TRABD2B: variants seen among roughly 807,000 people sequenced by gnomAD.
TRABD2B encodes the protein metalloprotease TIKI2.
In TRABD2B, 14 loss-of-function variants were observed where a neutral mutation model predicts 40.1. The observed-to-expected ratio is 0.35, with a 90% confidence interval of 0.23 to 0.55. TRABD2B has a LOEUF of 0.55. TRABD2B is among the 20% of genes least tolerant of loss of function. The pLI, the probability that TRABD2B is intolerant of heterozygous loss-of-function variation, is 0.90. For synonymous variants in TRABD2B, 263 were observed against 277.0 expected (o/e 0.95, Z 0.50); for missense variants, 541 against 648.6 (o/e 0.83, Z 1.80).
At chr1:47,847,801 G>A (rs938492335) in intron 2 of TRABD2B, among the ~76,000 whole-genome samples, 17 of 152,150 alleles carry the variant, frequency 1.1e-4, no homozygotes, top group African/African-American at 3.6e-4. Flanking sequence ...CTTATAAATC[G>A]GCCGAGCTGT....
intron 2 of TRABD2B, among the ~76,000 whole-genome samples, chr1:47,988,604 CA>C (rs1276058780): frequency 6.6e-6 from 1 of 152,144 alleles, no homozygotes; most frequent in Non-Finnish European, 1.5e-5. Context: ...AGGCTCTGGA[CA>C]AATAGGTATC....
intron 2 of TRABD2B, among the ~76,000 whole-genome samples, chr1:47,952,198 T>C (rs1381849298): frequency 6.6e-6 from 1 of 152,218 alleles, no homozygotes; most frequent in Non-Finnish European, 1.5e-5. Flanking sequence ...CCATGTCAGG[T>C]TCCCATCCTG....
chr1:47,848,252 C>T (rs181128093), intron 2 of TRABD2B, among the ~76,000 whole-genome samples: 1 of 152,288 alleles, frequency 6.6e-6, no homozygotes, highest in Non-Finnish European at 1.5e-5. Context: ...CATATTACCC[C>T]CAATTTTAGG....
chr1:47,920,466 C>G (rs1644887342), intron 2 of TRABD2B, among the ~76,000 whole-genome samples: 1 of 152,220 alleles, frequency 6.6e-6, no homozygotes, highest in Non-Finnish European at 1.5e-5. Flanking sequence ...TCAAGGTGGC[C>G]CTGGGGAGGC....
Position 47,815,845 on chromosome 1 carries a change from A to ATAGATAGATAGC in TRABD2B, c.667-14227_667-14226insGCTATCTATCTA, listed in dbSNP as rs1553154090. 1.6e-3 allele frequency among the ~76,000 whole-genome samples: 206 copies of ATAGATAGATAGC among 127,290 alleles called. 6 individuals carry two copies. Among genetic ancestry groups the ATAGATAGATAGC allele is most frequent in the Non-Finnish European group, 2.3e-3 (128 of 55,550 alleles). The allele number at this position is 127,290 out of a possible 152,430, so 83.5% of individuals were successfully genotyped here. ...GATAGATAGATAGATAGATAGATAG[A>ATAGATAGATAGC]TAGATAGAAATAGAGTCAGGAGTGT... On this transcript the variant is annotated intron_variant, in intron 2 of 6. Coordinates refer to ENST00000606738, the MANE Select transcript of TRABD2B (RefSeq NM_001194986.2).
chr1:47,979,761 T>A (rs987386174), intron 2 of TRABD2B, among the ~76,000 whole-genome samples: 1 of 152,188 alleles, frequency 6.6e-6, no homozygotes, highest in Admixed American at 6.5e-5. Flanking sequence ...GGTCTCAGGC[T>A]CCCTCACAAA....
Position 47,766,047 on chromosome 1 carries a change from T to C in TRABD2B, c.1409A>G (p.Lys470Arg), listed in dbSNP as rs1015119304. The stretch of plus-strand genomic sequence containing the variant: ...CTGGTCTGAAAGCTGGAAGGGGGGC[T>C]TGGCGGTCCCCGAGCTGTGGGTGGG... The part of the protein sequence containing the change: ...LQPTHSSGTA[K>R]PPFQLSDQLQ... Residue 470 changes from lysine (K) to arginine (R), a missense_variant, in exon 7 of 7, where the codon AAG (lysine) becomes AGG (arginine). Lys to Arg is a conservative substitution (Grantham distance 26). Around this residue, in one of 2 missense-constraint regions of TRABD2B, gnomAD observed 172 missense variants for 155.8 expected, o/e 1.10. Coordinates refer to ENST00000606738, the MANE Select transcript of TRABD2B (RefSeq NM_001194986.2). 1 of 696,028 alleles carries C rather than the reference T, an allele frequency of 1.4e-6. No individual in the cohort carries two copies. The highest frequency in any genetic ancestry group is 1.7e-5 in the African/African-American group (1 of 57,172). 43.1% of individuals were successfully genotyped at this position (696,028 alleles called of 1,614,324 possible). A position where few individuals can be genotyped will look rare whatever the true frequency, so the allele number is the denominator to read the frequency against.
chr1:47,921,827 A>G (rs1324179851), intron 2 of TRABD2B, among the ~76,000 whole-genome samples: 3 of 152,194 alleles, frequency 2.0e-5, no homozygotes, highest in Non-Finnish European at 4.4e-5. Context: ...CCAAATACAT[A>G]GTAGTCACTG....
At chr1:47,932,064 T>C (rs946370568) in intron 2 of TRABD2B, among the ~76,000 whole-genome samples, 2 of 152,192 alleles carry the variant, frequency 1.3e-5, no homozygotes, top group Non-Finnish European at 2.9e-5. Context: ...GAAGAGTACC[T>C]GAAATCAAGA....
chr1:47,835,944 T>C (rs1349821135), intron 2 of TRABD2B, among the ~76,000 whole-genome samples: 1 of 152,248 alleles, frequency 6.6e-6, no homozygotes, highest in Non-Finnish European at 1.5e-5. Flanking sequence ...TTTTTTCCAC[T>C]GTCTGATTTA....
chr1:47,933,772 T>G (rs1645070903), intron 2 of TRABD2B, among the ~76,000 whole-genome samples: 1 of 152,198 alleles, frequency 6.6e-6, no homozygotes, highest in Non-Finnish European at 1.5e-5. Context: ...GAGTATCTGC[T>G]GAACCAAACT....
intron 2 of TRABD2B, among the ~76,000 whole-genome samples, chr1:47,916,372 A>G (rs1055914369): frequency 2.6e-5 from 4 of 152,198 alleles, no homozygotes; most frequent in Admixed American, 2.6e-4. Flanking sequence ...TGCCCCTGGC[A>G]TCAAGGGACT....
At chr1:47,918,754 G>A (rs1644862740) in intron 2 of TRABD2B, among the ~76,000 whole-genome samples, 1 of 152,194 alleles carries the variant, frequency 6.6e-6, no homozygotes, top group Admixed American at 6.5e-5. Flanking sequence ...ATGCCTCCAT[G>A]CAGACTGGGG....
intron 2 of TRABD2B, among the ~76,000 whole-genome samples, chr1:47,935,659 A>G (rs763455931): frequency 1.3e-5 from 2 of 152,246 alleles, no homozygotes; most frequent in Non-Finnish European, 2.9e-5. Flanking sequence ...AAAAAACACT[A>G]TATCTCAACT....
chr1:47,953,184 G>C (rs1368553180), intron 2 of TRABD2B, among the ~76,000 whole-genome samples: 1 of 152,202 alleles, frequency 6.6e-6, no homozygotes, highest in Non-Finnish European at 1.5e-5. Context: ...GAGAGCACCA[G>C]GCATGCAGGT....
At position 47,763,282 on chromosome 1, in the gene TRABD2B, G is replaced by C. The variant is rs1161792024; in HGVS notation, c.*2620C>G. ...CAGCTGGTGGTCCTCAGAGATCAGT[G>C]AACTTTGGCAACAGATGTCTGACCA... On this transcript the variant is annotated 3_prime_UTR_variant, in exon 7 of 7. Transcript: ENST00000606738. The C allele has an allele frequency of 6.6e-6, 1 of 152,232 alleles. No individual in the cohort carries two copies. The highest frequency in any genetic ancestry group is 2.4e-5 in the African/African-American group (1 of 41,460). 9.4% of individuals were successfully genotyped at this position (152,232 alleles called of 1,614,324 possible).
intron 2 of TRABD2B, among the ~76,000 whole-genome samples, chr1:47,957,213 A>G (rs1375423795): frequency 6.6e-6 from 1 of 152,248 alleles, no homozygotes; most frequent in East Asian, 1.9e-4. Context: ...GTATGTCACC[A>G]TCATCAGAGA....
At chr1:47,968,045 A>G (rs911354644) in intron 2 of TRABD2B, among the ~76,000 whole-genome samples, 1 of 152,258 alleles carries the variant, frequency 6.6e-6, no homozygotes, top group African/African-American at 2.4e-5. Context: ...GCATAATGCA[A>G]TGATGAGCAT....
intron 3 of TRABD2B, chr1:47,795,617 T>A (rs1017239846): frequency 1.0e-6 from 1 of 980,096 alleles, no homozygotes; most frequent in Admixed American, 6.1e-5. Context: ...ATGAAACTGA[T>A]GATATTGTGG....
Sources: gnomAD v4.1 joint callset for allele counts (sites outside exome capture counted in the v4.1 genomes callset) on GRCh38, gnomAD v4.1.1 for gene constraint, gnomAD v4.1.1 regional missense constraint, MANE v1.5 for transcripts, NCBI Gene and HGNC (gene_info 2026-07-23, HGNC 2026-07-21) for gene names.